SPINK5: variants seen among roughly 807,000 people sequenced by gnomAD.
SPINK5 encodes serine peptidase inhibitor Kazal type 5, also known as serine protease inhibitor Kazal-type 5.
A neutral mutation model predicts 151.8 loss-of-function variants in SPINK5; 125 were observed. The observed-to-expected ratio is 0.82, with a 90% confidence interval of 0.71 to 0.96. The LOEUF (loss-of-function observed/expected upper bound fraction) is 0.96, where lower values mean the gene tolerates loss of function less well. Among genes scored for constraint, SPINK5 ranks in the 40% least tolerant of loss-of-function variants. The pLI is 0.00. For synonymous variants in SPINK5, 374 were observed against 395.3 expected (o/e 0.95, Z 0.64); for missense variants, 1,194 against 1,291.9 (o/e 0.92, Z 1.16).
At chr5:148,111,988 G>T in intron 19 of SPINK5, 93 bp downstream of exon 19, 1 of 1,587,924 alleles carries the variant, frequency 6.3e-7, no homozygotes, top group South Asian at 1.1e-5. Flanking sequence ...TTCTCCAGGA[G>T]ATAGATAATA....
At position 148,091,188 on chromosome 5, in the gene SPINK5, AGCG is replaced by A; in HGVS notation, c.627_629del (p.Arg210del). The A allele has an allele frequency of 6.2e-7, 1 of 1,611,564 alleles. No individual in the cohort carries two copies. The highest frequency in any genetic ancestry group is 8.5e-7 in the Non-Finnish European group (1 of 1,178,614). ...AGTTTAAAAGAAGCTGAAAATGCCAAGCGAGAGGGTGAAACTAGAATTCGACGA... is the reference window on the plus strand; with the variant it reads ...AGTTTAAAAGAAGCTGAAAATGCCAAAGAGGGTGAAACTAGAATTCGACGA... On this transcript the variant is annotated inframe_deletion, in exon 8 of 33. Coordinates refer to ENST00000256084, the MANE Select transcript of SPINK5 (RefSeq NM_006846.4).
chr5:148,118,874 C>A, intron 23 of SPINK5, 112 bp from the exon 24 acceptor site: 2 of 1,118,716 alleles, frequency 1.8e-6, no homozygotes, highest in Non-Finnish European at 2.7e-6. Context: ...GAATCATTGA[C>A]CAGCACAGTT....
chr5:148,114,191 CCTT>C (rs1458803243), intron 20 of SPINK5, among the ~76,000 whole-genome samples, 168 bp from the exon 21 acceptor site: 1 of 151,770 alleles, frequency 6.6e-6, no homozygotes, highest in Admixed American at 6.6e-5. Flanking sequence ...AATACAGCCA[CCTT>C]CTTAAGTCCT....
chr5:148,089,345 A>C (rs1435286450), intron 6 of SPINK5, 149 bp from the exon 7 acceptor site: 3 of 959,660 alleles, frequency 3.1e-6, no homozygotes, highest in African/African-American at 3.2e-5. Flanking sequence ...TGAATTATAG[A>C]GTACTTACTG....
Position 148,065,230 on chromosome 5 carries a change from C to T in SPINK5, c.56-117C>T, listed in dbSNP as rs889840978. The stretch of plus-strand genomic sequence containing the variant: ...TCTTAATGTGTTCAAAAACCATTTG[C>T]GGTTTTACAACATATTGTCATTAAA... On this transcript the variant is annotated intron_variant, in intron 1 of 32. Transcript: ENST00000256084. 46 of 1,090,072 alleles carry T rather than the reference C, an allele frequency of 4.2e-5. No individual in the cohort carries two copies. In the Middle Eastern group the frequency reaches 8.4e-4, roughly 20 times the overall value. 67.5% of individuals were successfully genotyped at this position (1,090,072 alleles called of 1,614,324 possible).
intron 2 of SPINK5, among the ~76,000 whole-genome samples, chr5:148,068,387 C>T (rs1752638563): frequency 6.6e-6 from 1 of 151,828 alleles, no homozygotes; most frequent in South Asian, 2.1e-4. Flanking sequence ...ATTATTCATC[C>T]AGGCAAGTAT....
At chr5:148,079,711 G>C (rs930825350) in intron 4 of SPINK5, among the ~76,000 whole-genome samples, 3 of 151,078 alleles carry the variant, frequency 2.0e-5, no homozygotes, top group Non-Finnish European at 3.0e-5. Flanking sequence ...ACTCATTCAA[G>C]ATGAAAACTC....
chr5:148,099,272 G>C lies in SPINK5; in HGVS notation c.1049G>C (p.Arg350Pro). 1.2e-6 allele frequency: 2 copies of C among 1,612,192 alleles called. No individual in the cohort carries two copies. The highest frequency in any genetic ancestry group is 1.7e-6 in the Non-Finnish European group (2 of 1,178,984). Reference sequence around the variant, plus strand: ...GAAGAAAAGAAAAAGGCTGAAGCACGAGCTAGAAACAAAAGAGAATCTGGA... The same window carrying C: ...GAAGAAAAGAAAAAGGCTGAAGCACCAGCTAGAAACAAAAGAGAATCTGGA... ...ENEEKKKAEARARNKRESGKA... is the reference protein window; with the variant it reads ...ENEEKKKAEAPARNKRESGKA... Residue 350 changes from arginine (R) to proline (P), a missense_variant, in exon 12 of 33, where the codon CGA (arginine) becomes CCA (proline). Physicochemically the swap from Arg to Pro is moderately radical, Grantham distance 103. Transcript: ENST00000256084.
At chr5:148,098,594 C>T (rs1753540844) in intron 11 of SPINK5, among the ~76,000 whole-genome samples, 1 of 151,858 alleles carries the variant, frequency 6.6e-6, no homozygotes, top group Non-Finnish European at 1.5e-5. Context: ...GTTAACTGTA[C>T]ATACTGTGCA....
intron 4 of SPINK5, among the ~76,000 whole-genome samples, chr5:148,078,684 T>A (rs1752945047): frequency 6.6e-6 from 1 of 150,730 alleles, no homozygotes; most frequent in African/African-American, 2.4e-5. Context: ...TCTGGATAAT[T>A]GGTGGGTTAA....
chr5:148,096,037 T>A, intron 10 of SPINK5, 132 bp downstream of exon 10: 1 of 711,260 alleles, frequency 1.4e-6, no homozygotes, highest in South Asian at 1.8e-5. Flanking sequence ...GTAGGTTTGC[T>A]GGAAACTAAT....
At chr5:148,076,753 A>G (rs951362358) in intron 4 of SPINK5, among the ~76,000 whole-genome samples, 17 of 151,888 alleles carry the variant, frequency 1.1e-4, no homozygotes, top group African/African-American at 4.1e-4. Context: ...AAAACTTTCA[A>G]TGAAAAGACA....
At chr5:148,110,616 G>A (rs59667962) in intron 18 of SPINK5, among the ~76,000 whole-genome samples, 6,046 of 152,030 alleles carry the variant, frequency 0.04, 371 homozygotes, top group African/African-American at 0.13. Flanking sequence ...CTATGGTTGC[G>A]ATAACAAATT....
At chr5:148,085,920 T>C (rs993487309) in intron 4 of SPINK5, among the ~76,000 whole-genome samples, 1 of 151,890 alleles carries the variant, frequency 6.6e-6, no homozygotes, top group Admixed American at 6.6e-5. Context: ...CACTAAAGCA[T>C]AGAGGTGTTA....
intron 17 of SPINK5, among the ~76,000 whole-genome samples, chr5:148,108,219 G>A (rs1753831272): frequency 6.6e-6 from 1 of 152,186 alleles, no homozygotes; most frequent in Admixed American, 6.5e-5. Flanking sequence ...AACCCCCAAA[G>A]ATTAGCAGTT....
Position 148,094,394 on chromosome 5 carries a change from G to A in SPINK5, c.707G>A (p.Arg236Lys). The change falls in exon 9 of 33, where the codon AGG (arginine) becomes AAG (lysine). Residue 236 changes from arginine to lysine, a missense_variant. Physicochemically the swap from Arg to Lys is conservative, Grantham distance 26 (BLOSUM62 2). Coordinates refer to ENST00000256084, the MANE Select transcript of SPINK5 (RefSeq NM_006846.4). ...KEYEKQVRNG[R>K]LFCTRESDPV... ...TATGAAAAACAAGTGAGAAATGGAA[G>A]GCTTTTTTGTACACGGGAGAGTGAT... is the stretch of plus-strand genomic sequence containing the variant. 1.2e-6 allele frequency: 2 copies of A among 1,612,778 alleles called. No homozygotes were observed. The highest frequency in any genetic ancestry group is 2.2e-5 in the East Asian group (1 of 44,812).
chr5:148,095,712 G>T (rs773093311), intron 9 of SPINK5, 106 bp from the exon 10 acceptor site: 1 of 932,848 alleles, frequency 1.1e-6, no homozygotes, highest in Admixed American at 1.9e-5. Flanking sequence ...TAAAGTGTTT[G>T]TACTAAAACT....
At chr5:148,105,364 C>T (rs1399214675) in intron 16 of SPINK5, among the ~76,000 whole-genome samples, 1 of 152,104 alleles carries the variant, frequency 6.6e-6, no homozygotes, top group Non-Finnish European at 1.5e-5. Flanking sequence ...TATAAGATCT[C>T]AATCATTCCA....
intron 23 of SPINK5, 143 bp downstream of exon 23, chr5:148,118,707 T>C (rs1754168754): frequency 3.3e-5 from 41 of 1,257,966 alleles, no homozygotes; most frequent in Non-Finnish European, 4.4e-5. Context: ...TCTCTTGCGT[T>C]CTCTAAGGAA....
Sources: allele counts gnomAD v4.1 joint callset (sites outside exome capture counted in the v4.1 genomes callset), GRCh38; gene constraint gnomAD v4.1.1; transcripts MANE v1.5; gene names NCBI Gene and HGNC (gene_info 2026-07-23, HGNC 2026-07-21).